The following CGNL1 variants were observed in gnomAD, a reference collection of about 807,000 sequenced individuals.
CGNL1 encodes cingulin-like protein 1.
In CGNL1, 132 loss-of-function variants were observed where a neutral mutation model predicts 141.2. The observed-to-expected ratio is 0.93, with a 90% CI of 0.81 to 1.08. CGNL1 has a LOEUF of 1.08. Among genes scored for constraint, CGNL1 ranks in the 50% least tolerant of loss-of-function variants. CGNL1 has a pLI of 0.00. For missense variants in CGNL1, 1,870 were observed against 1,588.6 expected (o/e 1.18, Z -3.01); for synonymous variants, 690 against 622.1 (o/e 1.11, Z -1.63).
intron 8 of CGNL1, among the ~76,000 whole-genome samples, chr15:57,503,708 A>C (rs10220745): frequency 0.22 from 33,882 of 152,108 alleles, 4,148 homozygotes; most frequent in South Asian, 0.3. Context: ...GAGGCCTCAG[A>C]ATTATGGCAG....
chr15:57,541,966 C>T (rs2032589287), intron 14 of CGNL1, among the ~76,000 whole-genome samples: 1 of 152,220 alleles, frequency 6.6e-6, no homozygotes, highest in South Asian at 2.1e-4. Context: ...TGTCCCAACC[C>T]TGCCTGTCCC....
At chr15:57,457,994 T>C (rs1419386845) in intron 7 of CGNL1, among the ~76,000 whole-genome samples, 1 of 152,160 alleles carries the variant, frequency 6.6e-6, no homozygotes, top group Non-Finnish European at 1.5e-5. Flanking sequence ...CTGGGTCCCA[T>C]TCTTGACTCT....
intron 8 of CGNL1, among the ~76,000 whole-genome samples, chr15:57,515,586 G>A (rs937960011): frequency 6.6e-6 from 1 of 152,136 alleles, no homozygotes; most frequent in South Asian, 2.1e-4. Flanking sequence ...TGGAGAAATG[G>A]AGGACAGGTA....
In CGNL1 at chr15:57,438,563, T is replaced by C; in HGVS notation, c.564T>C (p.Pro188=). 2.5e-6 allele frequency: 4 copies of C among 1,613,740 alleles called. No individual in the cohort carries two copies. The highest frequency in any genetic ancestry group is 3.4e-6 in the Non-Finnish European group (4 of 1,180,034). ...LTEEGINNKK[P]WTCFPKPSNS... ...AAGAAGGCATCAACAATAAGAAGCC[T>C]TGGACTTGCTTTCCCAAACCTAGCA... Residue 188 remains proline, a synonymous_variant, in exon 2 of 19, where the codon CCT becomes CCC. Coordinates refer to ENST00000281282, the MANE Select transcript of CGNL1 (RefSeq NM_032866.5).
rs114380800 is a variant in CGNL1, at chr15:57,533,652, G to A, written c.3291+1873G>A. ...CAAAACACAGACATTGAACCAGAAC[G>A]TGTCTGCTTCCCTTAGCTCAGCTGA... On this transcript the variant is annotated intron_variant, in intron 14 of 18. Coordinates refer to ENST00000281282, the MANE Select transcript of CGNL1 (RefSeq NM_032866.5). Among the ~76,000 whole-genome samples the A allele has an allele frequency of 8.8e-3, 1,347 of 152,276 alleles. 26 individuals are homozygous for A. The highest frequency in any genetic ancestry group is 0.031 in the African/African-American group (1,274 of 41,528).
intron 1 of CGNL1, chr15:57,394,100 T>TG (rs1354138170): frequency 8.6e-5 from 4 of 46,266 alleles, no homozygotes; most frequent in African/African-American, 2.4e-4. Context: ...GGGTAATTTC[T>TG]GTTTGTTTTT....
chr15:57,499,832 A>C (rs1413308411), intron 8 of CGNL1, among the ~76,000 whole-genome samples: 1 of 152,234 alleles, frequency 6.6e-6, no homozygotes, highest in East Asian at 1.9e-4. Context: ...TGTGTTTGAC[A>C]CAGGGTTTGA....
At chr15:57,508,551 G>A (rs1347219299) in intron 8 of CGNL1, among the ~76,000 whole-genome samples, 1 of 152,252 alleles carries the variant, frequency 6.6e-6, no homozygotes, top group Non-Finnish European at 1.5e-5. Context: ...ATTGAACTCA[G>A]AGGGGGCAAG....
intron 4 of CGNL1, among the ~76,000 whole-genome samples, chr15:57,446,667 T>C (rs1595713595): frequency 7.0e-5 from 3 of 42,736 alleles, no homozygotes; most frequent in Admixed American, 1.8e-4. Context: ...GAACATTACT[T>C]TTTTTTTTTT....
At chr15:57,420,564 G>C (rs761436272) in intron 1 of CGNL1, among the ~76,000 whole-genome samples, 2 of 152,062 alleles carry the variant, frequency 1.3e-5, no homozygotes, top group Non-Finnish European at 2.9e-5. Flanking sequence ...TAGTGGTTTC[G>C]GAATCGTTAA....
intron 8 of CGNL1, among the ~76,000 whole-genome samples, chr15:57,504,936 A>G (rs1335392520): frequency 6.6e-6 from 1 of 152,178 alleles, no homozygotes; most frequent in Non-Finnish European, 1.5e-5. Context: ...TTTAAAACAG[A>G]TGAGGGCTGG....
chr15:57,454,190 T>C (rs17239707), intron 7 of CGNL1, among the ~76,000 whole-genome samples: 3,846 of 152,302 alleles, frequency 0.025, 63 homozygotes, highest in Middle Eastern at 0.048. Flanking sequence ...AGGTGTTTGA[T>C]GTTTGCTGTA....
chr15:57,527,681 G>C (rs1279252766), intron 12 of CGNL1: 1 of 152,238 alleles, frequency 6.6e-6, no homozygotes, highest in African/African-American at 2.4e-5. Flanking sequence ...GCTGTTAGTT[G>C]AGTGCCACCT....
chr15:57,476,923 A>G (rs1241461910), intron 8 of CGNL1, among the ~76,000 whole-genome samples: 1 of 152,236 alleles, frequency 6.6e-6, no homozygotes, highest in Non-Finnish European at 1.5e-5. Context: ...TTCCAAAGTC[A>G]TGCACGGGCC....
chr15:57,432,002 T>TC (rs2152297145), intron 1 of CGNL1, among the ~76,000 whole-genome samples: 1 of 152,366 alleles, frequency 6.6e-6, no homozygotes, highest in African/African-American at 2.4e-5. Flanking sequence ...CTGAGACTCA[T>TC]CACCTCTCTA....
At chr15:57,465,312 T>C (rs1383214016) in intron 8 of CGNL1, among the ~76,000 whole-genome samples, 1 of 151,964 alleles carries the variant, frequency 6.6e-6, no homozygotes, top group Non-Finnish European at 1.5e-5. Context: ...CTTAAATATG[T>C]GCTCTTACAC....
chr15:57,447,838 G>GTT (rs2063274470), intron 4 of CGNL1, among the ~76,000 whole-genome samples: 1 of 138,018 alleles, frequency 7.2e-6, no homozygotes, highest in Admixed American at 7.1e-5. Context: ...GTGTGTGTGT[G>GTT]TGTGTGTATG....
rs11427144 is a variant in CGNL1, at chr15:57,391,981, C to CCG, written c.-16+15414_-16+15415insCG. Among the ~76,000 whole-genome samples, 76 of 151,200 alleles carry CCG rather than the reference C, an allele frequency of 5.0e-4. 3 individuals carry two copies. In the East Asian group the frequency reaches 0.014, roughly 28 times the overall value. ...ACCTTCACATTTTTCTTTCCCCCCC[C>CCG]TCACCTGACACCATCACAATAAAAG... On this transcript the variant is annotated intron_variant, in intron 1 of 18. Transcript: ENST00000281282.
At chr15:57,534,361 G>A (rs1381792343) in intron 14 of CGNL1, among the ~76,000 whole-genome samples, 1 of 152,238 alleles carries the variant, frequency 6.6e-6, no homozygotes, top group Admixed American at 6.5e-5. Flanking sequence ...AAACGCTGAT[G>A]TCTCCTGATT....
Sources: gnomAD v4.1 joint callset for allele counts (sites outside exome capture counted in the v4.1 genomes callset) on GRCh38, gnomAD v4.1.1 for gene constraint, MANE v1.5 for transcripts, NCBI Gene and HGNC (gene_info 2026-07-23, HGNC 2026-07-21) for gene names.